Variants in CCNE1 observed in about 807,000 individuals in gnomAD.
The protein encoded by CCNE1 is cyclin E1, also known as G1/S-specific cyclin-E1.
In CCNE1, 8 loss-of-function variants were observed where a neutral mutation model predicts 54.1. That is an observed-to-expected ratio of 0.15 (90% CI 0.09 to 0.27). CCNE1 has a LOEUF of 0.27. CCNE1 is among the 10% of genes least tolerant of loss of function. The pLI is 1.00. For synonymous variants in CCNE1, 179 were observed against 185.2 expected (o/e 0.97, Z 0.27); for missense variants, 430 against 514.9 (o/e 0.84, Z 1.60).
chr19:29,816,910 T>G (rs1974030579), intron 4 of CCNE1, among the ~76,000 whole-genome samples: 1 of 150,728 alleles, frequency 6.6e-6, no homozygotes. Flanking sequence ...GTAAATATTT[T>G]TATTGACAGT....
intron 4 of CCNE1, among the ~76,000 whole-genome samples, chr19:29,814,755 A>T (rs1482299931): frequency 6.6e-6 from 1 of 152,168 alleles, no homozygotes; most frequent in East Asian, 1.9e-4. Flanking sequence ...CTCTTGTGTA[A>T]CTGCTTCATC....
chr19:29,817,518 A>C lies in CCNE1; in HGVS notation c.439A>C (p.Ile147Leu). ...HPLLQPKMRA[I>L]LLDWLMEVCE... The stretch of plus-strand genomic sequence containing the variant: ...TCTTCTGCAGCCAAAAATGCGAGCA[A>C]TTCTTCTGGATTGGTTAATGGAGGT... The change falls in exon 6 of 12, where the codon ATT becomes CTT. Residue 147 changes from isoleucine (I) to leucine (L), a missense_variant. Coordinates refer to ENST00000262643, the MANE Select transcript of CCNE1 (RefSeq NM_001238.4). 1.2e-6 allele frequency: 2 copies of C among 1,614,164 alleles called. No individual in the cohort carries two copies. The highest frequency in any genetic ancestry group is 1.7e-6 in the Non-Finnish European group (2 of 1,180,018).
chr19:29,812,985 A>G lies in CCNE1; in HGVS notation c.128A>G (p.Asp43Gly), dbSNP rs765951124. The change falls in exon 4 of 12, where the codon GAT becomes GGT. Residue 43 changes from aspartate (D) to glycine (G), a missense_variant. Asp to Gly is a moderately conservative substitution (Grantham distance 94). Around this residue, in one of 2 missense-constraint regions of CCNE1, gnomAD observed 127 missense variants for 113.8 expected, o/e 1.12. Transcript: ENST00000262643. ...ANVTVFLQDP[D>G]EEMAKIDRTA... Reference sequence around the variant, plus strand: ...TCATGTTAGTTTTTGCAGGATCCAGATGAAGAAATGGCCAAAATCGACAGG... The same window carrying G: ...TCATGTTAGTTTTTGCAGGATCCAGGTGAAGAAATGGCCAAAATCGACAGG... The G allele has an allele frequency of 8.7e-6, 14 of 1,614,042 alleles. No individual in the cohort carries two copies. Among genetic ancestry groups the G allele is most frequent in the Non-Finnish European group, 1.1e-5 (13 of 1,180,002 alleles).
At chr19:29,816,667 A>G (rs1020280823) in intron 4 of CCNE1, among the ~76,000 whole-genome samples, 1 of 152,176 alleles carries the variant, frequency 6.6e-6, no homozygotes. Flanking sequence ...AACTGAGGGG[A>G]CTTTAATACA....
At chr19:29,812,608 G>C in intron 2 of CCNE1, 30 bp downstream of exon 2, 1 of 1,538,750 alleles carries the variant, frequency 6.5e-7, no homozygotes, top group East Asian at 2.5e-5. Context: ...GGCCGGACGG[G>C]ACGGGACGGG....
At chr19:29,820,005 C>T (rs1051995732) in intron 6 of CCNE1, among the ~76,000 whole-genome samples, 18 of 152,374 alleles carry the variant, frequency 1.2e-4, no homozygotes, top group African/African-American at 3.8e-4. Flanking sequence ...AAGCACTTCA[C>T]GGCTTCTCTT....
intron 6 of CCNE1, 94 bp downstream of exon 6, chr19:29,817,635 A>T: frequency 7.7e-7 from 1 of 1,305,274 alleles, no homozygotes; most frequent in Non-Finnish European, 1.1e-6. Context: ...TTCCCTCGAC[A>T]TGTTCTCCAT....
chr19:29,812,742 C>G lies in CCNE1; in HGVS notation c.77C>G (p.Ala26Gly). 6.3e-7 allele frequency: 1 copy of G among 1,594,918 alleles called. No homozygotes were observed. The highest frequency in any genetic ancestry group is 1.1e-5 in the South Asian group (1 of 87,514). ...GAGGACGGCGGCGCGGAGTTCTCGG[C>G]TCGCTCCAGGAAGAGGAAGGCAAAC... Reference protein sequence around the residue: ...MKEDGGAEFSARSRKRKANVT... With the variant: ...MKEDGGAEFSGRSRKRKANVT... Residue 26 changes from alanine to glycine, a missense_variant, in exon 3 of 12, where the codon GCT becomes GGT. By Grantham distance (60) the Ala-to-Gly change is moderately conservative. Coordinates refer to ENST00000262643, the MANE Select transcript of CCNE1 (RefSeq NM_001238.4).
At chr19:29,822,190 A>T in intron 9 of CCNE1, 50 bp from the exon 10 acceptor site, 2 of 1,611,874 alleles carry the variant, frequency 1.2e-6, no homozygotes, top group Non-Finnish European at 1.7e-6. Flanking sequence ...GAGGAACTCT[A>T]GAATAGGCGT....
intron 4 of CCNE1, 58 bp from the exon 5 acceptor site, chr19:29,817,079 G>A: frequency 1.3e-6 from 2 of 1,550,056 alleles, no homozygotes; most frequent in South Asian, 2.4e-5. Flanking sequence ...ATGTTTTTGG[G>A]TAATGTAAGA....
chr19:29,820,583 T>C, intron 6 of CCNE1, 119 bp from the exon 7 acceptor site: 1 of 715,250 alleles, frequency 1.4e-6, no homozygotes, highest in Non-Finnish European at 2.4e-6. Flanking sequence ...CTATCAATTG[T>C]TGAGTTCAGG....
intron 6 of CCNE1, among the ~76,000 whole-genome samples, chr19:29,818,425 G>A (rs1974077681): frequency 6.6e-6 from 1 of 152,156 alleles, no homozygotes; most frequent in African/African-American, 2.4e-5. Flanking sequence ...CTCCCAGAAT[G>A]CTGGGATTAC....
In CCNE1 at chr19:29,820,919, G is replaced by C. The variant is rs569647872; in HGVS notation, c.609+71G>C. On this transcript the variant is annotated intron_variant, in intron 7 of 11. Coordinates refer to ENST00000262643, the MANE Select transcript of CCNE1 (RefSeq NM_001238.4). Reference sequence around the variant, plus strand: ...GAGCTCCACTGAGATTGGGGGAAGAGGTTGGCGCTTAGCCTATAGCACTCA... The same window carrying C: ...GAGCTCCACTGAGATTGGGGGAAGACGTTGGCGCTTAGCCTATAGCACTCA... The C allele has an allele frequency of 9.5e-6, 12 of 1,259,332 alleles. No homozygotes were observed. In the East Asian group the frequency reaches 2.6e-4, roughly 27 times the overall value. 78.0% of individuals were successfully genotyped at this position (1,259,332 alleles called of 1,614,324 possible). A position where few individuals can be genotyped will look rare whatever the true frequency, so the allele number is the denominator to read the frequency against.
intron 4 of CCNE1, among the ~76,000 whole-genome samples, chr19:29,815,550 C>A (rs768873323): frequency 1.8e-4 from 27 of 151,984 alleles, no homozygotes; most frequent in Non-Finnish European, 3.2e-4. Flanking sequence ...CACTTACAGC[C>A]CGAGTTTCCA....
chr19:29,813,979 A>C (rs1448321948), intron 4 of CCNE1, among the ~76,000 whole-genome samples: 2 of 152,198 alleles, frequency 1.3e-5, no homozygotes, highest in Non-Finnish European at 2.9e-5. Flanking sequence ...TTTGCAGAGC[A>C]GCAGCCAGGG....
intron 1 of CCNE1, among the ~76,000 whole-genome samples, 176 bp downstream of exon 1, chr19:29,812,328 G>T (rs994133757): frequency 6.7e-6 from 1 of 149,310 alleles, no homozygotes; most frequent in African/African-American, 2.4e-5. Context: ...GGCAGCCCGG[G>T]CCCCGGGAGG....
At chr19:29,817,663 A>T (rs773756626) in intron 6 of CCNE1, 122 bp downstream of exon 6, 43 of 1,021,336 alleles carry the variant, frequency 4.2e-5, no homozygotes, top group Middle Eastern at 2.2e-4. Context: ...GCTATATGGT[A>T]TATTTTTACT....
intron 6 of CCNE1, among the ~76,000 whole-genome samples, chr19:29,819,424 A>G (rs1321908665): frequency 1.3e-5 from 2 of 149,902 alleles, no homozygotes; most frequent in Non-Finnish European, 3.0e-5. Context: ...TTGGGACTAC[A>G]GGCATGAGCC....
rs1353828685 is a variant in CCNE1 at position 29,821,615 on chromosome 19, C to G, written c.610-107C>G. The G allele has an allele frequency of 9.0e-6, 5 of 553,206 alleles. No homozygotes were observed. In the Admixed American group the frequency reaches 1.5e-4, roughly 17 times the overall value. 34.3% of individuals were successfully genotyped at this position (553,206 alleles called of 1,614,324 possible). Reference sequence around the variant, plus strand: ...TCTGTGTTAATTCCATCAGTGCGCCCTCTCTCTTTCCATGCCAGGGTACTG... The same window carrying G: ...TCTGTGTTAATTCCATCAGTGCGCCGTCTCTCTTTCCATGCCAGGGTACTG... On this transcript the variant is annotated intron_variant, in intron 7 of 11. Transcript: ENST00000262643.
Sources: gnomAD v4.1 joint callset for allele counts (sites outside exome capture counted in the v4.1 genomes callset) on GRCh38, gnomAD v4.1.1 for gene constraint, gnomAD v4.1.1 regional missense constraint, MANE v1.5 for transcripts, NCBI Gene and HGNC (gene_info 2026-07-23, HGNC 2026-07-21) for gene names.